The following ZBBX variants were observed in gnomAD, a reference collection of about 807,000 sequenced individuals.
ZBBX encodes the protein zinc finger B-box domain containing, also known as zinc finger B-box domain-containing protein 1.
A neutral mutation model predicts 108.5 loss-of-function variants in ZBBX; 101 were observed. The observed-to-expected ratio is 0.93, with a 90% CI of 0.79 to 1.10. The LOEUF is 1.10. ZBBX is among the 50% of genes least tolerant of loss of function. The pLI, the probability that ZBBX is intolerant of heterozygous loss-of-function variation, is 0.00. For missense variants in ZBBX, 1,009 were observed against 941.4 expected, an observed-to-expected ratio of 1.07 and a Z score of -0.94; for synonymous variants, 356 against 323.4, an observed-to-expected ratio of 1.10 and a Z score of -1.08.
chr3:167,392,001 T>C (rs1278990835), intron 1 of ZBBX, among the ~76,000 whole-genome samples: 1 of 151,694 alleles, frequency 6.6e-6, no homozygotes, highest in African/African-American at 2.4e-5. Context: ...TATTTATCTA[T>C]ACATAAAATT....
At chr3:167,367,752 C>T (rs558671581) in intron 5 of ZBBX, among the ~76,000 whole-genome samples, 1 of 151,194 alleles carries the variant, frequency 6.6e-6, no homozygotes, top group South Asian at 2.1e-4. Context: ...GGGAGTTAGC[C>T]TAGAGCTAAG....
In ZBBX at chr3:167,242,529, C is replaced by T. The variant is rs148568021; in HGVS notation, c.2369G>A (p.Gly790Asp). ...CCTCAATTCCTCAACTCCACAGGGA[C>T]CCCTCACATGTGAGGTCTTAAGGAA... ...TDFLKTSHVR[G>D]PCGVEELSCS... The change falls in exon 21 of 22, where the codon GGT becomes GAT. Residue 790 changes from glycine (G) to aspartate (D), a missense_variant. Physicochemically the swap from Gly to Asp is moderately conservative, Grantham distance 94. Transcript: ENST00000675490. 2,261 of 1,611,440 alleles carry T rather than the reference C, an allele frequency of 1.4e-3. 24 individuals carry two copies. In the African/African-American group the frequency reaches 0.022, roughly 16 times the overall value.
intron 9 of ZBBX, among the ~76,000 whole-genome samples, chr3:167,348,484 A>G (rs1161523013): frequency 1.3e-5 from 2 of 151,872 alleles, no homozygotes; most frequent in Non-Finnish European, 2.9e-5. Context: ...AGAGAAGGAA[A>G]GAAAGAGAGG....
chr3:167,393,018 A>G (rs979420507), intron 1 of ZBBX, among the ~76,000 whole-genome samples: 9 of 151,838 alleles, frequency 5.9e-5, no homozygotes, highest in African/African-American at 1.9e-4. Context: ...CCAATGATGC[A>G]ATGATTTCAT....
chr3:167,317,576 A>C lies in ZBBX; in HGVS notation c.1005T>G (p.Phe335Leu). The change falls in exon 13 of 22, where the codon TTT becomes TTG. Residue 335 changes from phenylalanine to leucine, a missense_variant. Transcript: ENST00000675490. ...GTGGGAACGTATCTGGTAGCATTTT[A>C]AAAAGTTGCTCTTGTGGAGTTCTAC... is the stretch of plus-strand genomic sequence containing the variant. ...KHRRTPQEQL[F>L]KMLPDTFPHP... The C allele has an allele frequency of 6.2e-7, 1 of 1,610,120 alleles. No homozygotes were observed. Among genetic ancestry groups the C allele is most frequent in the Non-Finnish European group, 8.5e-7 (1 of 1,177,906 alleles).
the ZBBX span, among the ~76,000 whole-genome samples, chr3:167,199,295 CA>C: frequency 1.3e-5 from 2 of 152,192 alleles, no homozygotes; most frequent in Non-Finnish European, 2.9e-5. Context: ...ACTGCAAAGG[CA>C]TGAACTTTCC....
At chr3:167,298,670 C>T (rs1732084159) in intron 17 of ZBBX, among the ~76,000 whole-genome samples, 1 of 152,052 alleles carries the variant, frequency 6.6e-6, no homozygotes. Flanking sequence ...AAAGTTGATA[C>T]TAATCCAAAG....
At chr3:167,245,076 C>T (rs888534502) in intron 20 of ZBBX, among the ~76,000 whole-genome samples, 7 of 152,172 alleles carry the variant, frequency 4.6e-5, no homozygotes, top group Admixed American at 3.3e-4. Flanking sequence ...AACAACAACT[C>T]TAAAGGACTA....
chr3:167,333,894 G>A lies in ZBBX; in HGVS notation c.620C>T (p.Ser207Phe), dbSNP rs750872205. The change falls in exon 10 of 22, where the codon TCT becomes TTT. Residue 207 changes from serine to phenylalanine, a missense_variant. By Grantham distance (155) the Ser-to-Phe change is radical (BLOSUM62 -2). Transcript: ENST00000675490. ...TTGAATTTTACTGGTTTCCTTTGTA[G>A]AATTATTCTCCTCTTTGGGTTCATC... ...NPDEPKEENN[S>F]TKETSKIQHK... 1 of 1,612,560 alleles carries A rather than the reference G, an allele frequency of 6.2e-7. No homozygotes were observed. Among genetic ancestry groups the A allele is most frequent in the South Asian group, 1.1e-5 (1 of 90,936 alleles).
intron 20 of ZBBX, among the ~76,000 whole-genome samples, chr3:167,245,782 T>C (rs1721467482): frequency 6.6e-6 from 1 of 152,198 alleles, no homozygotes; most frequent in African/African-American, 2.4e-5. Context: ...ACAGCCATGC[T>C]TCCCGTGCAC....
chr3:167,367,172 C>A (rs2108573417), intron 5 of ZBBX, among the ~76,000 whole-genome samples: 1 of 151,908 alleles, frequency 6.6e-6, no homozygotes, highest in East Asian at 1.9e-4. Context: ...TTAGTACCAG[C>A]AAACGGACAT....
At chr3:167,248,164 C>T (rs1474412497) in intron 20 of ZBBX, among the ~76,000 whole-genome samples, 2 of 152,168 alleles carry the variant, frequency 1.3e-5, no homozygotes, top group African/African-American at 4.8e-5. Flanking sequence ...CCTTTCCCCT[C>T]CCAGCTTGGG....
intron 12 of ZBBX, among the ~76,000 whole-genome samples, chr3:167,319,511 A>G (rs533494658): frequency 6.6e-6 from 1 of 152,140 alleles, no homozygotes; most frequent in African/African-American, 2.4e-5. Context: ...CAAATTTTAA[A>G]AATCAGTGAG....
intron 15 of ZBBX, among the ~76,000 whole-genome samples, chr3:167,315,146 T>C (rs1576975138): frequency 6.6e-6 from 1 of 152,296 alleles, no homozygotes; most frequent in Non-Finnish European, 1.5e-5. Flanking sequence ...CTCCACTGTT[T>C]ACAAATCCTG....
chr3:167,384,454 G>A (rs1330882856), upstream of ZBBX, among the ~76,000 whole-genome samples: 2 of 152,020 alleles, frequency 1.3e-5, no homozygotes, highest in African/African-American at 4.8e-5. Context: ...GAATAAATAA[G>A]CTCACAGAGA....
rs1735379072 is a variant in ZBBX at position 167,315,940 on chromosome 3, A to G, written c.1195-111T>C. ...GTACATTTTTCCTACAAATGATGTT[A>G]TGAGAGCTCTAATTATATTTTATAA... On this transcript the variant is annotated intron_variant, in intron 14 of 21. Transcript: ENST00000675490. 8.2e-6 allele frequency: 5 copies of G among 610,156 alleles called. No individual in the cohort carries two copies. In the South Asian group the frequency reaches 1.4e-4, roughly 17 times the overall value. 37.8% of individuals were successfully genotyped at this position (610,156 alleles called of 1,614,324 possible).
intron 19 of ZBBX, among the ~76,000 whole-genome samples, chr3:167,288,208 G>A (rs766287185): frequency 6.6e-6 from 1 of 152,030 alleles, no homozygotes; most frequent in Non-Finnish European, 1.5e-5. Flanking sequence ...CTGGTATAAT[G>A]GGATAACAGT....
At chr3:167,386,952 G>T (rs2108635153) in intron 1 of ZBBX, among the ~76,000 whole-genome samples, 1 of 151,922 alleles carries the variant, frequency 6.6e-6, no homozygotes, top group South Asian at 2.1e-4. Flanking sequence ...AATCCCCAAG[G>T]GCAGATTTTT....
At chr3:167,256,078 C>T (rs1303344735) in intron 20 of ZBBX, among the ~76,000 whole-genome samples, 1 of 152,080 alleles carries the variant, frequency 6.6e-6, no homozygotes, top group Non-Finnish European at 1.5e-5. Context: ...CTGTGCCTGG[C>T]TTATTTCACT....
Sources: gnomAD v4.1 joint callset for allele counts (sites outside exome capture counted in the v4.1 genomes callset) on GRCh38, gnomAD v4.1.1 for gene constraint, MANE v1.5 for transcripts, NCBI Gene and HGNC (gene_info 2026-07-23, HGNC 2026-07-21) for gene names.